C2CD3: variants seen among roughly 807,000 people sequenced by gnomAD.
The protein encoded by C2CD3 is C2 domain-containing protein 3.
In C2CD3, 148 loss-of-function variants were observed where a neutral mutation model predicts 234.0. That is an observed-to-expected ratio of 0.63 (90% CI 0.55 to 0.72). The LOEUF is 0.72. C2CD3 is among the 30% of genes least tolerant of loss of function. The probability of loss-of-function intolerance (pLI) is 0.00; values close to 1 mark genes in which losing one functional copy is unlikely to be tolerated. For missense variants in C2CD3, 2,577 were observed against 2,811.5 expected (o/e 0.92, Z 1.89); for synonymous variants, 1,000 against 1,035.4 (o/e 0.97, Z 0.66).
At position 74,103,626 on chromosome 11, in the gene C2CD3, C is replaced by G. The variant is rs762444001; in HGVS notation, c.2086-1G>C. ...TATCTGTAATAAGCTCCATGGTTAC[C>G]TGTAAAACACAAAAGGAGAAGAGTC... is the stretch of plus-strand genomic sequence containing the variant. On this transcript the variant is annotated splice_acceptor_variant, in intron 13 of 32. Transcript: ENST00000334126. LOFTEE classifies it high-confidence loss of function. 1.2e-5 allele frequency: 19 copies of G among 1,602,770 alleles called. No homozygotes were observed. The highest frequency in any genetic ancestry group is 1.6e-5 in the Non-Finnish European group (19 of 1,175,366).
chr11:74,131,729 G>A (rs1428703214), intron 7 of C2CD3, among the ~76,000 whole-genome samples: 1 of 151,850 alleles, frequency 6.6e-6, no homozygotes, highest in Non-Finnish European at 1.5e-5. Flanking sequence ...GCACCACCAC[G>A]CCTGGCTCAT....
At chr11:74,074,637 A>T in intron 23 of C2CD3, 37 bp from the exon 24 acceptor site, 1 of 1,526,746 alleles carries the variant, frequency 6.5e-7, no homozygotes, top group South Asian at 1.2e-5. Flanking sequence ...CTAGTCAAGC[A>T]GGAACCAAGA....
At chr11:74,039,305 T>C (rs1952899156) in intron 29 of C2CD3, among the ~76,000 whole-genome samples, 1 of 152,352 alleles carries the variant, frequency 6.6e-6, no homozygotes, top group African/African-American at 2.4e-5. Context: ...TCTGCAGGCC[T>C]GAAATGATAG....
In C2CD3 at chr11:74,068,955, G is replaced by A. The variant is rs556382002; in HGVS notation, c.4951+5298C>T. Among the ~76,000 whole-genome samples, 12 of 152,218 alleles carry A rather than the reference G, an allele frequency of 7.9e-5. No homozygotes were observed. The East Asian group carries it at 1.2e-3, about 15-fold the overall frequency. On this transcript the variant is annotated intron_variant, in intron 24 of 32. Coordinates refer to ENST00000334126, the MANE Select transcript of C2CD3 (RefSeq NM_001286577.2). ...TGAGTAGCTGGAATTGCAGGCTTGC[G>A]CTCAGCTAATTTTTGTATTTTTAGT...
intron 31 of C2CD3, among the ~76,000 whole-genome samples, chr11:74,028,689 C>T (rs1198040512): frequency 6.6e-6 from 1 of 152,228 alleles, no homozygotes; most frequent in East Asian, 1.9e-4. Context: ...GTCTGCAACA[C>T]AGGAGAATGC....
intron 20 of C2CD3, among the ~76,000 whole-genome samples, chr11:74,090,285 T>G (rs1237725933): frequency 6.6e-6 from 1 of 152,118 alleles, no homozygotes; most frequent in Non-Finnish European, 1.5e-5. Flanking sequence ...TCCCAGCACT[T>G]TGGGAGGCTG....
At chr11:74,036,395 T>G (rs1952743074) in intron 30 of C2CD3, 1 of 455,436 alleles carries the variant, frequency 2.2e-6, no homozygotes, top group Non-Finnish European at 4.4e-6. Flanking sequence ...CAGATGGTGC[T>G]CAATAAACAC....
At chr11:74,107,850 T>A (rs1008452920) in intron 12 of C2CD3, 3 of 151,950 alleles carry the variant, frequency 2.0e-5, no homozygotes, top group African/African-American at 7.2e-5. Flanking sequence ...AACTCTTTTA[T>A]AATTAGAAAA....
intron 3 of C2CD3, among the ~76,000 whole-genome samples, chr11:74,160,944 A>T (rs997511382): frequency 3.9e-5 from 6 of 152,224 alleles, no homozygotes; most frequent in Non-Finnish European, 8.8e-5. Context: ...CACTTACATG[A>T]GTCAAACAAG....
rs1049458786 is a variant in C2CD3 at position 74,084,342 on chromosome 11, A to G, written c.4000+539T>C. Reference sequence around the variant, plus strand: ...TAGCATTAGGAGAAATACCTAATGTAAATGACAAGTTAATGGGTGCCATGG... The same window carrying G: ...TAGCATTAGGAGAAATACCTAATGTGAATGACAAGTTAATGGGTGCCATGG... On this transcript the variant is annotated intron_variant, in intron 22 of 32. Transcript: ENST00000334126. 3.0e-4 allele frequency among the ~76,000 whole-genome samples: 45 copies of G among 152,214 alleles called. 1 individual carries two copies. The highest frequency in any genetic ancestry group is 8.7e-4 in the African/African-American group (36 of 41,508).
At chr11:74,063,188 C>T (rs11494303) in intron 24 of C2CD3, among the ~76,000 whole-genome samples, 23 of 152,314 alleles carry the variant, frequency 1.5e-4, no homozygotes, top group Non-Finnish European at 2.1e-4. Flanking sequence ...ACAGCCGCAT[C>T]TACCAGAGGT....
intron 31 of C2CD3, among the ~76,000 whole-genome samples, chr11:74,032,315 C>T (rs1192214866): frequency 6.6e-6 from 1 of 152,186 alleles, no homozygotes; most frequent in African/African-American, 2.4e-5. Context: ...GTAAAGCAGC[C>T]TGCTTCACCT....
chr11:74,124,990 T>A (rs1957361663), intron 7 of C2CD3, among the ~76,000 whole-genome samples: 1 of 152,342 alleles, frequency 6.6e-6, no homozygotes, highest in East Asian at 1.9e-4. Flanking sequence ...CTCATGACTA[T>A]CCTTTTCTTT....
At chr11:74,150,829 T>C (rs1855595000) in intron 3 of C2CD3, among the ~76,000 whole-genome samples, 1 of 152,160 alleles carries the variant, frequency 6.6e-6, no homozygotes, top group South Asian at 2.1e-4. Context: ...GAGTCAACAT[T>C]CTAATTTCCC....
At position 74,106,466 on chromosome 11, in the gene C2CD3, A is replaced by G. The variant is rs1217232908; in HGVS notation, c.1990T>C (p.Ser664Pro). The G allele has an allele frequency of 1.2e-6, 2 of 1,614,092 alleles. No homozygotes were observed. The highest frequency in any genetic ancestry group is 1.7e-6 in the Non-Finnish European group (2 of 1,179,914). The change falls in exon 13 of 33, where the codon TCT becomes CCT. Residue 664 changes from serine to proline, a missense_variant. Coordinates refer to ENST00000334126, the MANE Select transcript of C2CD3 (RefSeq NM_001286577.2). ...TCTGATTGAATGACAGCTCGCAAAGAAAGTGACACAGATCCAATGACTTCT... is the reference window on the plus strand; with the variant it reads ...TCTGATTGAATGACAGCTCGCAAAGGAAGTGACACAGATCCAATGACTTCT... ...KPEVIGSVSL[S>P]LRAVIQSELL...
intron 32 of C2CD3, among the ~76,000 whole-genome samples, chr11:74,021,810 A>C (rs570516115): frequency 6.6e-6 from 1 of 152,186 alleles, no homozygotes; most frequent in Admixed American, 6.5e-5. Context: ...GAAAAGTGCA[A>C]GTATAAGTGA....
chr11:74,078,022 C>A, intron 23 of C2CD3, 93 bp downstream of exon 23: 1 of 1,430,936 alleles, frequency 7.0e-7, no homozygotes, highest in South Asian at 1.4e-5. Flanking sequence ...CTGGGAGGGT[C>A]AAGTAAAGTA....
intron 3 of C2CD3, among the ~76,000 whole-genome samples, chr11:74,149,430 G>C (rs972327794): frequency 6.6e-6 from 1 of 152,016 alleles, no homozygotes; most frequent in African/African-American, 2.4e-5. Context: ...TGAACTCCTG[G>C]GCTCAAGTGA....
chr11:74,035,425 A>G (rs1406564030), intron 30 of C2CD3, among the ~76,000 whole-genome samples: 2 of 152,352 alleles, frequency 1.3e-5, no homozygotes, highest in African/African-American at 4.8e-5. Context: ...TCACGAGTTA[A>G]ATAAGATTGC....
Sources: allele counts gnomAD v4.1 joint callset (sites outside exome capture counted in the v4.1 genomes callset), GRCh38; gene constraint gnomAD v4.1.1; transcripts MANE v1.5; gene names NCBI Gene and HGNC (gene_info 2026-07-23, HGNC 2026-07-21).